SCARA3: variants seen among roughly 807,000 people sequenced by gnomAD.
The protein encoded by SCARA3 is cellular stress response gene protein.
A neutral mutation model predicts 47.0 loss-of-function variants in SCARA3; 39 were observed. That is an observed-to-expected ratio of 0.83 (90% confidence interval 0.64 to 1.08). SCARA3 has a LOEUF of 1.08. SCARA3 is among the 50% of genes least tolerant of loss of function. The pLI, the probability that SCARA3 is intolerant of heterozygous loss-of-function variation, is 0.00. For synonymous variants in SCARA3, 356 were observed against 334.1 expected, an observed-to-expected ratio of 1.07 and a Z score of -0.71; for missense variants, 724 against 792.3, an observed-to-expected ratio of 0.91 and a Z score of 1.04.
At chr8:27,670,503 AC>A (rs1802121011) in intron 5 of SCARA3, among the ~76,000 whole-genome samples, 3 of 151,970 alleles carry the variant, frequency 2.0e-5, no homozygotes, top group Non-Finnish European at 4.4e-5. Flanking sequence ...CCTCCATGTC[AC>A]CTGACTTGAA....
At chr8:27,639,790 A>G (rs553290) in intron 1 of SCARA3, among the ~76,000 whole-genome samples, 53,967 of 152,064 alleles carry the variant, frequency 0.35, 10,599 homozygotes, top group Middle Eastern at 0.51. Context: ...GCAGAGAACC[A>G]TGATGGTAAT....
At chr8:27,727,068 G>A in the SCARA3 span, among the ~76,000 whole-genome samples, 2 of 152,064 alleles carry the variant, frequency 1.3e-5, no homozygotes, top group Non-Finnish European at 2.9e-5. Flanking sequence ...AAGCCACCGC[G>A]CCCAGCCGAC....
chr8:27,726,436 T>C, the SCARA3 span, among the ~76,000 whole-genome samples: 132,271 of 152,154 alleles, frequency 0.87, 57,666 homozygotes, highest in Non-Finnish European at 0.9. Flanking sequence ...CAGTGGCTCA[T>C]GCCTGTGATC....
intron 1 of SCARA3, among the ~76,000 whole-genome samples, chr8:27,637,141 C>T (rs1170132274): frequency 6.6e-6 from 1 of 152,240 alleles, no homozygotes; most frequent in Admixed American, 6.5e-5. Context: ...CTGCCCAGCC[C>T]ACCGGTGGCC....
rs1346141429 is a variant in SCARA3, at chr8:27,634,090, G to GCGGCGCCTAGGA, written c.-105_-94dup. On this transcript the variant is annotated 5_prime_UTR_variant, in exon 1 of 6. Coordinates refer to ENST00000301904, the MANE Select transcript of SCARA3 (RefSeq NM_016240.3). ...CCCGGCCGGAGCCCCACGGCCGCGGGCGGCGCCTAGGACGGCGATCCGCGC... is the reference window on the plus strand; with the variant it reads ...CCCGGCCGGAGCCCCACGGCCGCGGGCGGCGCCTAGGACGGCGCCTAGGACGGCGATCCGCGC... 2.3e-4 allele frequency: 235 copies of GCGGCGCCTAGGA among 1,036,176 alleles called. No individual in the cohort carries two copies. The Admixed American group carries it at 8.5e-3, about 37-fold the overall frequency. 64.2% of individuals were successfully genotyped at this position (1,036,176 alleles called of 1,614,324 possible).
At chr8:27,698,626 C>T in the SCARA3 span, among the ~76,000 whole-genome samples, 37 of 152,106 alleles carry the variant, frequency 2.4e-4, no homozygotes, top group African/African-American at 7.0e-4. Context: ...AGGGAATTTA[C>T]AAGAAAATGG....
the SCARA3 span, among the ~76,000 whole-genome samples, chr8:27,683,021 A>G: frequency 6.6e-6 from 1 of 152,148 alleles, no homozygotes; most frequent in African/African-American, 2.4e-5. Context: ...CTAAAAAAAC[A>G]AAAAACAAAA....
the SCARA3 span, among the ~76,000 whole-genome samples, chr8:27,716,078 G>A: frequency 6.6e-6 from 1 of 152,110 alleles, no homozygotes; most frequent in Non-Finnish European, 1.5e-5. Flanking sequence ...GGCTGAGGCA[G>A]GAGGATCACT....
downstream of SCARA3, among the ~76,000 whole-genome samples, chr8:27,679,493 A>G (rs902416061): frequency 6.6e-6 from 1 of 152,202 alleles, no homozygotes; most frequent in Non-Finnish European, 1.5e-5. Flanking sequence ...TGTATATTAT[A>G]GTTTTTAGAG....
At chr8:27,713,699 C>T in the SCARA3 span, among the ~76,000 whole-genome samples, 1 of 152,166 alleles carries the variant, frequency 6.6e-6, no homozygotes, top group Non-Finnish European at 1.5e-5. Context: ...TCTGCTGCTA[C>T]AAAAAGATAT....
chr8:27,687,154 A>G, the SCARA3 span, among the ~76,000 whole-genome samples: 15 of 152,324 alleles, frequency 9.8e-5, no homozygotes, highest in African/African-American at 3.4e-4. Flanking sequence ...AATTAGCCAA[A>G]GAGTGTCCAC....
intron 2 of SCARA3, among the ~76,000 whole-genome samples, chr8:27,651,187 C>T (rs1235545090): frequency 1.3e-5 from 2 of 152,246 alleles, no homozygotes; most frequent in Admixed American, 6.5e-5. Context: ...GCTGCTCATC[C>T]TGTGGGTCCT....
chr8:27,714,383 T>C, the SCARA3 span, among the ~76,000 whole-genome samples: 1 of 151,762 alleles, frequency 6.6e-6, no homozygotes, highest in African/African-American at 2.4e-5. Context: ...TTAGTAGAGA[T>C]GGGATTTCAC....
intron 1 of SCARA3, among the ~76,000 whole-genome samples, chr8:27,646,913 C>T (rs1255448664): frequency 1.4e-5 from 2 of 146,332 alleles, no homozygotes; most frequent in East Asian, 4.3e-4. Context: ...ACTTCTCATG[C>T]TTCCTTGCTG....
the SCARA3 span, among the ~76,000 whole-genome samples, chr8:27,694,299 A>G: frequency 2.6e-5 from 4 of 152,308 alleles, no homozygotes; most frequent in East Asian, 7.7e-4. Context: ...TGCTTAGCAA[A>G]GGTAGTTCTC....
At chr8:27,712,735 A>G in the SCARA3 span, among the ~76,000 whole-genome samples, 14 of 152,218 alleles carry the variant, frequency 9.2e-5, no homozygotes, top group Admixed American at 7.2e-4. Context: ...TAAAGCTGCT[A>G]TAAACATCCA....
downstream of SCARA3, among the ~76,000 whole-genome samples, chr8:27,679,481 A>T (rs543036943): frequency 2.6e-5 from 4 of 152,184 alleles, no homozygotes; most frequent in Non-Finnish European, 5.9e-5. Flanking sequence ...ATAAATTAAG[A>T]ATGTATATTA....
At chr8:27,649,661 C>G (rs1485788225) in intron 1 of SCARA3, 41 bp from the exon 2 acceptor site, 1 of 1,586,216 alleles carries the variant, frequency 6.3e-7, no homozygotes, top group African/African-American at 1.3e-5. Flanking sequence ...CTGGAGAGGC[C>G]TGGGATGGCT....
the SCARA3 span, among the ~76,000 whole-genome samples, chr8:27,695,326 T>C: frequency 3.9e-5 from 6 of 152,268 alleles, no homozygotes; most frequent in South Asian, 1.2e-3. Flanking sequence ...AGATTTGCCA[T>C]AACAAAGCAT....
Sources: gnomAD v4.1 joint callset for allele counts (sites outside exome capture counted in the v4.1 genomes callset) on GRCh38, gnomAD v4.1.1 for gene constraint, MANE v1.5 for transcripts, NCBI Gene and HGNC (gene_info 2026-07-23, HGNC 2026-07-21) for gene names.